Variants in CNTN3 observed in about 807,000 individuals in gnomAD.
CNTN3 encodes the protein contactin 3.
A neutral mutation model predicts 119.1 loss-of-function variants in CNTN3; 60 were observed. The observed-to-expected ratio is 0.50, with a 90% confidence interval of 0.41 to 0.62. The LOEUF (loss-of-function observed/expected upper bound fraction) is 0.62. Ranked by LOEUF, CNTN3 falls within the 20% of genes least tolerant of loss-of-function variation. CNTN3 has a pLI of 0.00. For synonymous variants in CNTN3, 450 were observed against 438.7 expected (o/e 1.03, Z -0.32); for missense variants, 1,101 against 1,242.4 (o/e 0.89, Z 1.71).
At chr3:74,517,805 C>G (rs1703475496) in intron 2 of CNTN3, among the ~76,000 whole-genome samples, 1 of 151,856 alleles carries the variant, frequency 6.6e-6, no homozygotes, top group African/African-American at 2.4e-5. Flanking sequence ...CATCCTTAAA[C>G]CTTCTCCTCT....
intron 4 of CNTN3, among the ~76,000 whole-genome samples, chr3:74,453,833 A>T (rs952658777): frequency 4.6e-5 from 7 of 151,802 alleles, no homozygotes; most frequent in African/African-American, 1.7e-4. Context: ...GTTTTGAGTG[A>T]GTTTCTTAAT....
At chr3:74,351,562 GAAGC>G (rs886603690) in intron 11 of CNTN3, among the ~76,000 whole-genome samples, 1 of 152,166 alleles carries the variant, frequency 6.6e-6, no homozygotes, top group East Asian at 1.9e-4. Flanking sequence ...TAAAATTAAA[GAAGC>G]AAGTAAAACG....
At chr3:74,398,167 T>C (rs1177521060) in intron 5 of CNTN3, among the ~76,000 whole-genome samples, 1 of 152,194 alleles carries the variant, frequency 6.6e-6, no homozygotes, top group Non-Finnish European at 1.5e-5. Context: ...TTGAAACAAG[T>C]TTTCCTCTGG....
At chr3:74,319,169 A>G (rs1294600288) in intron 13 of CNTN3, among the ~76,000 whole-genome samples, 2 of 152,310 alleles carry the variant, frequency 1.3e-5, no homozygotes, top group East Asian at 1.9e-4. Context: ...AAACTACTTT[A>G]AAGTTCATAT....
At chr3:74,400,003 T>C (rs1303020024) in intron 5 of CNTN3, among the ~76,000 whole-genome samples, 2 of 152,202 alleles carry the variant, frequency 1.3e-5, no homozygotes, top group African/African-American at 2.4e-5. Context: ...GTAAAGTAAA[T>C]GCTTGGTGAA....
At chr3:74,555,742 T>C (rs1471988177) in intron 1 of CNTN3, among the ~76,000 whole-genome samples, 1 of 152,212 alleles carries the variant, frequency 6.6e-6, no homozygotes, top group Non-Finnish European at 1.5e-5. Flanking sequence ...GGTATTTCCA[T>C]GGGATCGGTG....
chr3:74,272,352 ACT>A (rs1477019171), intron 20 of CNTN3, among the ~76,000 whole-genome samples: 1 of 152,138 alleles, frequency 6.6e-6, no homozygotes. Context: ...AAGTGCCAAA[ACT>A]CTTACAAAAT....
intron 4 of CNTN3, among the ~76,000 whole-genome samples, chr3:74,442,868 T>C (rs1253295982): frequency 6.6e-6 from 1 of 152,214 alleles, no homozygotes. Context: ...CATAATCACA[T>C]CAGGTGACTT....
intron 20 of CNTN3, among the ~76,000 whole-genome samples, chr3:74,269,319 T>C (rs1366801152): frequency 6.6e-6 from 1 of 152,132 alleles, no homozygotes. Flanking sequence ...ATAAACATTC[T>C]AAATTTTTAT....
intron 4 of CNTN3, among the ~76,000 whole-genome samples, chr3:74,476,918 G>C (rs1702666008): frequency 6.6e-6 from 1 of 151,948 alleles, no homozygotes; most frequent in South Asian, 2.1e-4. Flanking sequence ...ATATGAAAGA[G>C]AGGTAAAAAG....
chr3:74,420,315 T>A (rs1701596494), intron 5 of CNTN3, among the ~76,000 whole-genome samples: 1 of 152,214 alleles, frequency 6.6e-6, no homozygotes, highest in Non-Finnish European at 1.5e-5. Context: ...GCTGATACTA[T>A]CTTGTAAATT....
intron 10 of CNTN3, 40 bp downstream of exon 10, chr3:74,364,427 G>C (rs1468288568): frequency 6.3e-7 from 1 of 1,585,350 alleles, no homozygotes; most frequent in South Asian, 1.1e-5. Flanking sequence ...AAGGATTTAA[G>C]ACAAAAAATT....
intron 1 of CNTN3, among the ~76,000 whole-genome samples, chr3:74,569,872 G>A (rs1001887114): frequency 1.6e-4 from 25 of 152,122 alleles, no homozygotes; most frequent in African/African-American, 5.8e-4. Context: ...TTAATTCCTT[G>A]AAGTTGTAGG....
rs957211065 is a variant in CNTN3 at position 74,560,142 on chromosome 3, T to C, written c.-80-38950A>G. Among the ~76,000 whole-genome samples the C allele has an allele frequency of 3.9e-5, 6 of 152,154 alleles. No individual in the cohort carries two copies. In the South Asian group the frequency reaches 8.3e-4, roughly 21 times the overall value. ...GTGCAAATTTCAGCAGCACACTCAC[T>C]GGCTAGATACCATCAAGCACATCAT... On this transcript the variant is annotated intron_variant, in intron 1 of 22. Coordinates refer to ENST00000263665, the MANE Select transcript of CNTN3 (RefSeq NM_020872.3).
At chr3:74,320,947 T>C (rs1245982252) in intron 13 of CNTN3, among the ~76,000 whole-genome samples, 1 of 149,996 alleles carries the variant, frequency 6.7e-6, no homozygotes, top group African/African-American at 2.5e-5. Context: ...ATATGTTGAA[T>C]TGAAAAAAAA....
intron 4 of CNTN3, 89 bp downstream of exon 4, chr3:74,486,367 G>A (rs1702858793): frequency 2.6e-6 from 3 of 1,148,464 alleles, no homozygotes; most frequent in Middle Eastern, 5.1e-4. Context: ...TAAAACCCAT[G>A]TATTATTTCT....
chr3:74,267,605 C>A, intron 20 of CNTN3: 2 of 453,294 alleles, frequency 4.4e-6, no homozygotes, highest in Non-Finnish European at 4.0e-6. Context: ...GTAATTTATT[C>A]ATGTAACAAA....
intron 1 of CNTN3, among the ~76,000 whole-genome samples, chr3:74,555,272 C>G (rs904288778): frequency 6.6e-6 from 1 of 152,134 alleles, no homozygotes; most frequent in South Asian, 2.1e-4. Context: ...TCGACTTGAT[C>G]GTAGTGGATA....
intron 4 of CNTN3, among the ~76,000 whole-genome samples, chr3:74,429,925 C>T (rs984421718): frequency 2.6e-5 from 4 of 152,082 alleles, no homozygotes; most frequent in African/African-American, 9.7e-5. Flanking sequence ...ATTAAAACTA[C>T]AATGAGCTGT....
Sources: allele counts gnomAD v4.1 joint callset (sites outside exome capture counted in the v4.1 genomes callset), GRCh38; gene constraint gnomAD v4.1.1; transcripts MANE v1.5; gene names NCBI Gene and HGNC (gene_info 2026-07-23, HGNC 2026-07-21).